ATP2A3: variants seen among roughly 807,000 people sequenced by gnomAD.
The protein encoded by ATP2A3 is sarcoplasmic/endoplasmic reticulum calcium ATPase 3.
Under a neutral mutation model 106.8 loss-of-function variants are expected in ATP2A3, and 61 were observed. That is an observed-to-expected ratio of 0.57 (90% CI 0.46 to 0.71). The LOEUF is 0.71. Ranked by LOEUF, ATP2A3 falls within the 30% of genes least tolerant of loss-of-function variation. The pLI, the probability that ATP2A3 is intolerant of heterozygous loss-of-function variation, is 0.00. For synonymous variants in ATP2A3, 611 were observed against 609.3 expected (o/e 1.00, Z -0.04); for missense variants, 1,201 against 1,423.5 (o/e 0.84, Z 2.52).
intron 14 of ATP2A3, 109 bp downstream of exon 14, chr17:3,940,862 G>T: frequency 1.5e-6 from 2 of 1,323,158 alleles, no homozygotes; most frequent in Non-Finnish European, 2.2e-6. Flanking sequence ...GTAATAAGAT[G>T]TTAGAAAAGG....
intron 8 of ATP2A3, among the ~76,000 whole-genome samples, chr17:3,946,847 C>G (rs918711762): frequency 2.0e-5 from 3 of 152,196 alleles, no homozygotes; most frequent in Non-Finnish European, 4.4e-5. Context: ...AGCCTTCTGC[C>G]CCATGGGCCT....
At chr17:3,959,682 T>C (rs2055030219) in intron 1 of ATP2A3, among the ~76,000 whole-genome samples, 1 of 152,226 alleles carries the variant, frequency 6.6e-6, no homozygotes, top group South Asian at 2.1e-4. Context: ...AATCGTCACT[T>C]GCAGAGTCAG....
intron 20 of ATP2A3, chr17:3,927,864 C>T (rs548307905): frequency 4.2e-5 from 65 of 1,559,398 alleles, no homozygotes; most frequent in Middle Eastern, 1.9e-4. Flanking sequence ...TGGCCCCCAA[C>T]GACCCAGCTG....
chr17:3,932,118 T>C (rs2053137028), intron 17 of ATP2A3, among the ~76,000 whole-genome samples: 1 of 150,626 alleles, frequency 6.6e-6, no homozygotes. Flanking sequence ...CAAGTGGATA[T>C]GTCTTGTTTT....
chr17:3,949,804 C>T (rs890316334), intron 7 of ATP2A3, among the ~76,000 whole-genome samples: 2 of 152,154 alleles, frequency 1.3e-5, no homozygotes, highest in African/African-American at 4.8e-5. Flanking sequence ...ATTATTATTA[C>T]TATAAATTTG....
At position 3,930,843 on chromosome 17, in the gene ATP2A3, A is replaced by G; in HGVS notation, c.2611-409T>C. ...GATGAAGGCTACGCAGGCCCTGTTCACTGTTATTAAGATTCCATTTACAGC... is the reference window on the plus strand; with the variant it reads ...GATGAAGGCTACGCAGGCCCTGTTCGCTGTTATTAAGATTCCATTTACAGC... On this transcript the variant is annotated intron_variant, in intron 17 of 20. Transcript: ENST00000397041. This position sits in a 1 kb window ranked among gnomAD's most constrained non-coding sequence, Gnocchi z 5.4. 1.2e-5 allele frequency: 4 copies of G among 336,192 alleles called. No homozygotes were observed. Among genetic ancestry groups the G allele is most frequent in the South Asian group, 9.7e-5 (4 of 41,324 alleles). The allele number at this position is 336,192 out of a possible 1,614,324, so 20.8% of individuals were successfully genotyped here.
rs368865569 is a variant in ATP2A3 at position 3,925,461 on chromosome 17, G to A, written c.2981-20C>T. On this transcript the variant is annotated intron_variant, in intron 20 of 20. Coordinates refer to ENST00000397041, the MANE Select transcript of ATP2A3 (RefSeq NM_005173.4). This position sits in a 1 kb window ranked among gnomAD's most constrained non-coding sequence, Gnocchi z 4.2. ...TTTCTTCTGGAAGAAAAACCCAAGA[G>A]CGCGTTAAGATGTATGTGTAAGGGC... The A allele has an allele frequency of 6.2e-7, 1 of 1,610,924 alleles. No homozygotes were observed.
intron 7 of ATP2A3, among the ~76,000 whole-genome samples, chr17:3,948,782 C>T (rs1298682047): frequency 6.6e-6 from 1 of 152,108 alleles, no homozygotes; most frequent in African/African-American, 2.4e-5. Flanking sequence ...CTTCCCTCCC[C>T]ACCCCAAGGC....
intron 3 of ATP2A3, among the ~76,000 whole-genome samples, chr17:3,952,763 T>C (rs2054523222): frequency 1.3e-5 from 2 of 152,156 alleles, no homozygotes; most frequent in African/African-American, 2.4e-5. Flanking sequence ...CTAATGTTTT[T>C]GTATTTTTTG....
In ATP2A3 at chr17:3,951,267, G is replaced by C. The variant is rs567701340; in HGVS notation, c.447C>G (p.Asp149Glu). The C allele has an allele frequency of 6.2e-7, 1 of 1,606,060 alleles. No individual in the cohort carries two copies. Among genetic ancestry groups the C allele is most frequent in the Admixed American group, 1.7e-5 (1 of 59,214 alleles). ...RIRARDIVPGDIVEVAVGDKV... is the reference protein window; with the variant it reads ...RIRARDIVPGEIVEVAVGDKV... ...CCGGCATACCTGCCACTTCTACAATGTCCCCTGGGACGATGTCCCGGGCAC... is the reference window on the plus strand; with the variant it reads ...CCGGCATACCTGCCACTTCTACAATCTCCCCTGGGACGATGTCCCGGGCAC... Residue 149 changes from aspartate (D) to glutamate (E), a missense_variant, in exon 5 of 21, where the codon GAC becomes GAG. Physicochemically the swap from Asp to Glu is conservative, Grantham distance 45. Around this residue, in one of 2 missense-constraint regions of ATP2A3, gnomAD observed 266 missense variants for 246.8 expected, o/e 1.08. Coordinates refer to ENST00000397041, the MANE Select transcript of ATP2A3 (RefSeq NM_005173.4).
rs760957882 is a variant in ATP2A3, at chr17:3,950,681, G to T, written c.544+12C>A. On this transcript the variant is annotated intron_variant, in intron 6 of 20. Transcript: ENST00000397041. ...GGCCCACTAGGTCCCGGCCTCCTGGGGGGGGCCTCACCCGTCAGGATGGAC... is the reference window on the plus strand; with the variant it reads ...GGCCCACTAGGTCCCGGCCTCCTGGTGGGGGCCTCACCCGTCAGGATGGAC... 1.1e-5 allele frequency: 18 copies of T among 1,613,804 alleles called. No homozygotes were observed. In the African/African-American group the frequency reaches 1.5e-4, roughly 13 times the overall value.
Position 3,936,520 on chromosome 17 carries a change from T to C in ATP2A3, c.2322-51A>G, listed in dbSNP as rs17846892. 2.1e-4 allele frequency: 338 copies of C among 1,597,008 alleles called. 2 individuals are homozygous for C. The East Asian group carries it at 6.6e-3, about 31-fold the overall frequency. Reference sequence around the variant, plus strand: ...CCCGGTAGGCCTAGCCCCCGGCAGATGCAGGCTCCAGCTCCTGCTCAGACC... The same window carrying C: ...CCCGGTAGGCCTAGCCCCCGGCAGACGCAGGCTCCAGCTCCTGCTCAGACC... On this transcript the variant is annotated intron_variant, in intron 15 of 20. Coordinates refer to ENST00000397041, the MANE Select transcript of ATP2A3 (RefSeq NM_005173.4). This position sits in a 1 kb window ranked among gnomAD's most constrained non-coding sequence, Gnocchi z 5.4.
chr17:3,929,596 T>C lies in ATP2A3; in HGVS notation c.2745-151A>G, dbSNP rs765011102. 3.4e-5 allele frequency: 23 copies of C among 674,052 alleles called. No homozygotes were observed. The East Asian group carries it at 5.8e-4, about 17-fold the overall frequency. The allele number at this position is 674,052 out of a possible 1,614,324, so 41.8% of individuals were successfully genotyped here. On this transcript the variant is annotated intron_variant, in intron 18 of 20. Transcript: ENST00000397041. The surrounding 1 kb of genome is among the most constrained non-coding windows in gnomAD (Gnocchi z 4.3). ...GGGCCTGTCCCGGGCTGGGACCCCTTTCTCTGCCCCTCAGACCTAATCTTG... is the reference window on the plus strand; with the variant it reads ...GGGCCTGTCCCGGGCTGGGACCCCTCTCTCTGCCCCTCAGACCTAATCTTG...
Position 3,951,348 on chromosome 17 carries a change from A to C in ATP2A3, c.366T>G (p.Tyr122Ter). The C allele has an allele frequency of 2.5e-6, 4 of 1,613,746 alleles. No individual in the cohort carries two copies. Among genetic ancestry groups the C allele is most frequent in the Non-Finnish European group, 3.4e-6 (4 of 1,180,006 alleles). ...AESAIEALKE[Y>*]EPEMGKVIRS... ...GGATCACCTTGCCCATCTCAGGCTC[A>C]TACTCCTTCAGGGCCTCGATGGCAC... The change falls in exon 5 of 21, where the codon TAT (tyrosine) becomes TAG (stop). Residue 122 changes from tyrosine (Y) to a stop codon, truncating the protein, a stop_gained. Coordinates refer to ENST00000397041, the MANE Select transcript of ATP2A3 (RefSeq NM_005173.4). LOFTEE classifies it high-confidence loss of function.
In ATP2A3 at chr17:3,950,523, G is replaced by A; in HGVS notation, c.618C>T (p.Asn206=). The part of the protein sequence containing the change: ...DPRAVNQDKK[N]MLFSGTNITS... ...ACATTTGACTTACAGAAAACAGCAT[G>A]TTCTTCTTGTCCTGGTTCACAGCTC... Residue 206 remains asparagine (N), a synonymous_variant, in exon 7 of 21, where the codon AAC becomes AAT. Transcript: ENST00000397041. 5 of 1,614,090 alleles carry A rather than the reference G, an allele frequency of 3.1e-6. No individual in the cohort carries two copies. The highest frequency in any genetic ancestry group is 1.3e-5 in the African/African-American group (1 of 75,050).
chr17:3,952,931 A>ACTGGC (rs1567717745), intron 3 of ATP2A3, among the ~76,000 whole-genome samples: 1 of 152,116 alleles, frequency 6.6e-6, no homozygotes, highest in Non-Finnish European at 1.5e-5. Flanking sequence ...GGGAGGTGCT[A>ACTGGC]CTGGCATCTT....
intron 8 of ATP2A3, 71 bp from the exon 9 acceptor site, chr17:3,945,219 A>G: frequency 1.4e-6 from 2 of 1,450,356 alleles, no homozygotes; most frequent in South Asian, 1.2e-5. Flanking sequence ...AGTCGACCCC[A>G]GGGTGGGGTC....
Position 3,928,898 on chromosome 17 carries a change from AC to A in ATP2A3, c.2863-119del. 2 of 733,114 alleles carry A rather than the reference AC, an allele frequency of 2.7e-6. No homozygotes were observed. The highest frequency in any genetic ancestry group is 4.5e-6 in the Non-Finnish European group (2 of 439,794). The allele number at this position is 733,114 out of a possible 1,614,324, so 45.4% of individuals were successfully genotyped here. ...GGACTCTTCATGAGCGCTCCTAAGA[AC>A]CCCCTGGATGCACCCCCGATCTTTG... On this transcript the variant is annotated intron_variant, in intron 19 of 20. Coordinates refer to ENST00000397041, the MANE Select transcript of ATP2A3 (RefSeq NM_005173.4). The surrounding 1 kb of genome is among the most constrained non-coding windows in gnomAD (Gnocchi z 6.1).
chr17:3,931,728 A>G (rs1011386786), intron 17 of ATP2A3, among the ~76,000 whole-genome samples: 4 of 152,036 alleles, frequency 2.6e-5, no homozygotes, highest in Non-Finnish European at 5.9e-5. Flanking sequence ...TCACCGTGTT[A>G]GCCAGGATGG....
Sources: allele counts gnomAD v4.1 joint callset (sites outside exome capture counted in the v4.1 genomes callset), GRCh38; gene constraint gnomAD v4.1.1; regional missense constraint gnomAD v4.1.1; non-coding constraint Gnocchi (gnomAD v3.1); transcripts MANE v1.5; gene names NCBI Gene and HGNC (gene_info 2026-07-23, HGNC 2026-07-21).